Variants in GNG12 observed in about 807,000 individuals in gnomAD.
GNG12 encodes the protein G protein subunit gamma 12.
For missense variants in GNG12, 69 were observed against 83.8 expected (o/e 0.82, Z 0.69); for synonymous variants, 28 against 29.7 (o/e 0.94, Z 0.19).
rs187170142 is a variant in GNG12, at chr1:67,824,319, G to A, written c.-77+9025C>T. On this transcript the variant is annotated intron_variant, in intron 1 of 3. Transcript: ENST00000370982. ...GAGTCTAGGAGTTCGAGACCAGCCT[G>A]GGCAACATGGTAAAACCCCATTTCT... 2.9e-3 allele frequency among the ~76,000 whole-genome samples: 443 copies of A among 152,038 alleles called. 2 individuals are homozygous for A. Among genetic ancestry groups the A allele is most frequent in the African/African-American group, 0.011 (437 of 41,470 alleles).
intron 1 of GNG12, among the ~76,000 whole-genome samples, chr1:67,815,864 C>T (rs985364708): frequency 2.0e-5 from 3 of 152,180 alleles, no homozygotes; most frequent in African/African-American, 7.2e-5. Context: ...CAATCATCTG[C>T]ACTGCAGAGA....
At chr1:67,790,976 G>A (rs767599937) in intron 1 of GNG12, among the ~76,000 whole-genome samples, 5 of 152,030 alleles carry the variant, frequency 3.3e-5, no homozygotes, top group African/African-American at 4.8e-5. Flanking sequence ...TACTTGAAGC[G>A]CCCTAGATTT....
intron 2 of GNG12, among the ~76,000 whole-genome samples, chr1:67,758,130 C>T (rs114581979): frequency 0.023 from 3,537 of 152,248 alleles, 136 homozygotes; most frequent in African/African-American, 0.08. Context: ...CACGACCACA[C>T]CCCTGGCTAA....
At chr1:67,763,431 T>G (rs1646617914) in intron 2 of GNG12, among the ~76,000 whole-genome samples, 1 of 152,192 alleles carries the variant, frequency 6.6e-6, no homozygotes, top group Admixed American at 6.5e-5. Context: ...TGCTGGTTAT[T>G]TTGTGGAATG....
intron 2 of GNG12, among the ~76,000 whole-genome samples, chr1:67,770,098 T>A (rs1422737895): frequency 6.6e-6 from 1 of 152,140 alleles, no homozygotes. Flanking sequence ...TTCCACCACC[T>A]CAAGATGTAA....
At chr1:67,832,686 C>T (rs925556159) in intron 1 of GNG12, among the ~76,000 whole-genome samples, 9 of 152,136 alleles carry the variant, frequency 5.9e-5, no homozygotes, top group African/African-American at 1.7e-4. Flanking sequence ...AGAAAAGCAG[C>T]CTCGGGTCCC....
chr1:67,738,522 G>T (rs1646464762), intron 2 of GNG12, among the ~76,000 whole-genome samples: 1 of 152,168 alleles, frequency 6.6e-6, no homozygotes, highest in South Asian at 2.1e-4. Flanking sequence ...TCCCCCTGGA[G>T]CTCTGGTCTC....
chr1:67,818,873 C>T (rs1646969615), intron 1 of GNG12, among the ~76,000 whole-genome samples: 1 of 152,110 alleles, frequency 6.6e-6, no homozygotes, highest in Non-Finnish European at 1.5e-5. Flanking sequence ...GAGACACAGC[C>T]GTTAAAAACA....
At chr1:67,756,834 G>A (rs1334769204) in intron 2 of GNG12, among the ~76,000 whole-genome samples, 1 of 152,118 alleles carries the variant, frequency 6.6e-6, no homozygotes, top group Non-Finnish European at 1.5e-5. Context: ...GGTCTGCCCG[G>A]GTCATCTGCA....
rs74635340 is a variant in GNG12 at position 67,793,732 on chromosome 1, C to T, written c.-76-16225G>A. 9.5e-4 allele frequency among the ~76,000 whole-genome samples: 145 copies of T among 152,278 alleles called. 1 individual carries two copies. The highest frequency in any genetic ancestry group is 3.4e-3 in the African/African-American group (142 of 41,560). ...TGACATTCTGAATGACCCCCAAATT[C>T]CTGCACTCTTTTGCAAAGCTTCACT... is the stretch of plus-strand genomic sequence containing the variant. On this transcript the variant is annotated intron_variant, in intron 1 of 3. Transcript: ENST00000370982.
intron 2 of GNG12, among the ~76,000 whole-genome samples, chr1:67,710,165 G>T (rs1264382863): frequency 1.7e-4 from 3 of 17,444 alleles, no homozygotes; most frequent in East Asian, 8.1e-4. Context: ...TATATATATA[G>T]TTATATATAT....
At chr1:67,777,004 C>T (rs541796206) in intron 2 of GNG12, 1 of 152,148 alleles carries the variant, frequency 6.6e-6, no homozygotes, top group South Asian at 2.1e-4. Flanking sequence ...ACAATAATCA[C>T]ATTTAGGTGA....
intron 2 of GNG12, among the ~76,000 whole-genome samples, chr1:67,711,650 A>G (rs902685695): frequency 1.3e-5 from 2 of 152,086 alleles, no homozygotes; most frequent in African/African-American, 4.8e-5. Flanking sequence ...TTCCCAGTTG[A>G]TAAGATTTCT....
intron 2 of GNG12, among the ~76,000 whole-genome samples, chr1:67,731,537 T>A (rs1000842663): frequency 1.6e-4 from 24 of 152,002 alleles, no homozygotes; most frequent in Admixed American, 1.4e-3. Context: ...GCATTCTAAG[T>A]GAGGGACAAA....
chr1:67,799,183 T>C (rs980120533), intron 1 of GNG12, among the ~76,000 whole-genome samples: 2 of 152,290 alleles, frequency 1.3e-5, no homozygotes, highest in East Asian at 1.9e-4. Context: ...ACATTTTCGA[T>C]TGCATGGGGG....
chr1:67,774,968 C>G (rs193093355), intron 2 of GNG12, among the ~76,000 whole-genome samples: 2 of 152,142 alleles, frequency 1.3e-5, no homozygotes, highest in African/African-American at 4.8e-5. Flanking sequence ...TAGCACAGTA[C>G]GTGGCACACA....
At chr1:67,768,545 G>A (rs908480896) in intron 2 of GNG12, among the ~76,000 whole-genome samples, 5 of 152,136 alleles carry the variant, frequency 3.3e-5, no homozygotes, top group African/African-American at 1.2e-4. Context: ...ATAGTTAAAT[G>A]CAAACAATGT....
intron 1 of GNG12, among the ~76,000 whole-genome samples, chr1:67,785,477 A>T (rs1360058018): frequency 6.6e-6 from 1 of 152,052 alleles, no homozygotes; most frequent in Non-Finnish European, 1.5e-5. Flanking sequence ...TATCACAGAT[A>T]TTTGGGAATG....
At chr1:67,741,987 A>T (rs1037260934) in intron 2 of GNG12, among the ~76,000 whole-genome samples, 19 of 152,216 alleles carry the variant, frequency 1.2e-4, no homozygotes, top group African/African-American at 4.3e-4. Context: ...CAGGTGGCTG[A>T]GGCTGTGACC....
Sources: gnomAD v4.1 joint callset for allele counts (sites outside exome capture counted in the v4.1 genomes callset) on GRCh38, gnomAD v4.1.1 for gene constraint, MANE v1.5 for transcripts, NCBI Gene and HGNC (gene_info 2026-07-23, HGNC 2026-07-21) for gene names.